Variants in DIS3L2 observed in about 807,000 individuals in gnomAD.
The protein encoded by DIS3L2 is DIS3-like exonuclease 2.
Under a neutral mutation model 97.5 loss-of-function variants are expected in DIS3L2, and 34 were observed. The ratio of observed to expected loss-of-function variants is 0.35; its 90% confidence interval spans 0.27 to 0.46. DIS3L2 has a LOEUF of 0.46. Among genes scored for constraint, DIS3L2 ranks in the 20% least tolerant of loss-of-function variants. The pLI is 1.00. For missense variants in DIS3L2, 1,038 were observed against 1,146.0 expected, an observed-to-expected ratio of 0.91 and a Z score of 1.36; for synonymous variants, 435 against 445.2, an observed-to-expected ratio of 0.98 and a Z score of 0.29.
chr2:231,991,675 G>A (rs1283970199), intron 1 of DIS3L2, among the ~76,000 whole-genome samples: 1 of 152,162 alleles, frequency 6.6e-6, no homozygotes, highest in African/African-American at 2.4e-5. Context: ...GCCAAACTGT[G>A]CCTGTAATTC....
intron 6 of DIS3L2, 79 bp downstream of exon 6, chr2:232,087,800 A>G: frequency 8.8e-7 from 1 of 1,133,080 alleles, no homozygotes. Context: ...CTGCAGAGTA[A>G]ATAACACAAT....
At chr2:232,175,495 T>C (rs1330839958) in intron 9 of DIS3L2, among the ~76,000 whole-genome samples, 2 of 152,212 alleles carry the variant, frequency 1.3e-5, no homozygotes, top group East Asian at 1.9e-4. Flanking sequence ...TGGTTTTATG[T>C]GAGGATAACA....
intron 16 of DIS3L2, among the ~76,000 whole-genome samples, chr2:232,333,266 T>G (rs1290674734): frequency 2.4e-5 from 3 of 126,918 alleles, no homozygotes; most frequent in Admixed American, 8.5e-5. Context: ...CGCTGTCGCC[T>G]CCTCCTCCTC....
At chr2:232,173,229 A>G (rs963817419) in intron 9 of DIS3L2, among the ~76,000 whole-genome samples, 6 of 152,078 alleles carry the variant, frequency 3.9e-5, no homozygotes, top group East Asian at 1.9e-4. Flanking sequence ...AGAGTTAGAC[A>G]TATGTTTTCT....
chr2:231,965,676 A>G (rs891023913), intron 1 of DIS3L2, among the ~76,000 whole-genome samples: 2 of 152,170 alleles, frequency 1.3e-5, no homozygotes, highest in Admixed American at 6.5e-5. Context: ...GGGAGAGTGA[A>G]TGCACATATG....
chr2:232,039,912 A>G (rs570874116), intron 5 of DIS3L2, among the ~76,000 whole-genome samples: 28 of 152,324 alleles, frequency 1.8e-4, no homozygotes, highest in African/African-American at 6.7e-4. Context: ...GAGCAGTTCA[A>G]GGTACCCAGT....
intron 8 of DIS3L2, 83 bp from the exon 9 acceptor site, chr2:232,163,376 C>T: frequency 1.4e-6 from 2 of 1,436,386 alleles, no homozygotes; most frequent in African/African-American, 1.4e-5. Context: ...AACTTTCCCA[C>T]TACTTTACTT....
chr2:232,123,468 C>T (rs1231449233), intron 6 of DIS3L2, among the ~76,000 whole-genome samples: 1 of 152,020 alleles, frequency 6.6e-6, no homozygotes, highest in Non-Finnish European at 1.5e-5. Flanking sequence ...GGCTTCCTTA[C>T]CATCTCCTTG....
intron 5 of DIS3L2, among the ~76,000 whole-genome samples, chr2:232,041,831 C>A (rs1302101049): frequency 1.3e-5 from 2 of 152,156 alleles, no homozygotes; most frequent in African/African-American, 4.8e-5. Flanking sequence ...TACATTGATA[C>A]CTGTTGGAAA....
chr2:232,244,599 G>T (rs1693196366), intron 11 of DIS3L2, among the ~76,000 whole-genome samples: 2 of 152,258 alleles, frequency 1.3e-5, no homozygotes, highest in Non-Finnish European at 2.9e-5. Flanking sequence ...CTCGTTGTGA[G>T]ATGGCAGGAG....
At chr2:232,211,614 T>TCG (rs1692192229) in intron 10 of DIS3L2, among the ~76,000 whole-genome samples, 1 of 152,310 alleles carries the variant, frequency 6.6e-6, no homozygotes, top group African/African-American at 2.4e-5. Context: ...CATCCACCCT[T>TCG]GCAGTTTCAG....
rs1695874538 is a variant in DIS3L2 at position 232,334,442 on chromosome 2, G to A, written c.2232G>A (p.Met744Ile). Reference protein sequence around the residue: ...KQADHCNDRRMASKRVQELST... With the variant: ...KQADHCNDRRIASKRVQELST... ...CGGACCACTGTAACGACCGCCGCAT[G>A]GCGTCCAAGCGCGTGCAGGAGCTCA... is the stretch of plus-strand genomic sequence containing the variant. Residue 744 changes from methionine (M) to isoleucine (I), a missense_variant, in exon 18 of 21, where the codon ATG (methionine) becomes ATA (isoleucine). By Grantham distance (10) the Met-to-Ile change is conservative. Transcript: ENST00000325385. 1 of 1,613,914 alleles carries A rather than the reference G, an allele frequency of 6.2e-7. No homozygotes were observed. Among genetic ancestry groups the A allele is most frequent in the Non-Finnish European group, 8.5e-7 (1 of 1,180,022 alleles).
At chr2:232,337,670 G>A (rs1696007201), downstream of DIS3L2, among the ~76,000 whole-genome samples, 1 of 152,048 alleles carries the variant, frequency 6.6e-6, no homozygotes, top group Non-Finnish European at 1.5e-5. Flanking sequence ...TAGGATGAAA[G>A]CCATGGTGAG....
chr2:232,326,582 C>G (rs1240659305), intron 14 of DIS3L2, among the ~76,000 whole-genome samples: 1 of 151,930 alleles, frequency 6.6e-6, no homozygotes, highest in African/African-American at 2.4e-5. Flanking sequence ...CCAAACAGCC[C>G]CTGCAGCTGT....
At chr2:232,213,674 T>G (rs1273387482) in intron 10 of DIS3L2, among the ~76,000 whole-genome samples, 1 of 150,888 alleles carries the variant, frequency 6.6e-6, no homozygotes, top group Non-Finnish European at 1.5e-5. Context: ...TTTTTTTTTT[T>G]TTTTTTTTTT....
At chr2:232,274,016 T>C (rs1010311835) in intron 13 of DIS3L2, among the ~76,000 whole-genome samples, 6 of 152,334 alleles carry the variant, frequency 3.9e-5, no homozygotes, top group Middle Eastern at 6.8e-3. Context: ...TGTTAGCTGC[T>C]GCTGGACTGT....
rs945904815 is a variant in DIS3L2 at position 232,163,628 on chromosome 2, T to G, written c.1120T>G (p.Leu374Val). Residue 374 changes from leucine to valine, a missense_variant, in exon 9 of 21, where the codon TTA (leucine) becomes GTA (valine). This residue lies in a region of DIS3L2 where 813 missense variants were observed against 880.1 expected (regional missense o/e 0.92). Coordinates refer to ENST00000325385, the MANE Select transcript of DIS3L2 (RefSeq NM_152383.5). ...AGAGGAGTTCAGCAAGAGAAGGGAT[T>G]TAAGGTAAGCACCTGAAACCCTTTA... The part of the protein sequence containing the change: ...PPEEFSKRRD[L>V]RKDCIFTIDP... The G allele has an allele frequency of 6.2e-7, 1 of 1,612,946 alleles. No homozygotes were observed. The highest frequency in any genetic ancestry group is 8.5e-7 in the Non-Finnish European group (1 of 1,179,906).
At chr2:232,055,282 G>A (rs1695517051) in intron 5 of DIS3L2, among the ~76,000 whole-genome samples, 2 of 152,178 alleles carry the variant, frequency 1.3e-5, no homozygotes, top group Admixed American at 1.3e-4. Context: ...GGGAAAGTAA[G>A]ACAGTACTCA....
chr2:232,337,638 G>A (rs375792297), downstream of DIS3L2, among the ~76,000 whole-genome samples: 1 of 152,006 alleles, frequency 6.6e-6, no homozygotes, highest in African/African-American at 2.4e-5. Flanking sequence ...GTGGCTTGGC[G>A]TCCCCGAGAG....
Sources: gnomAD v4.1 joint callset for allele counts (sites outside exome capture counted in the v4.1 genomes callset) on GRCh38, gnomAD v4.1.1 for gene constraint, gnomAD v4.1.1 regional missense constraint, MANE v1.5 for transcripts, NCBI Gene and HGNC (gene_info 2026-07-23, HGNC 2026-07-21) for gene names.